C12orf42: variants seen among roughly 807,000 people sequenced by gnomAD.
C12orf42 encodes the protein chromosome 12 open reading frame 42.
Under a neutral mutation model 21.6 loss-of-function variants are expected in C12orf42, and 25 were observed. That is an observed-to-expected ratio of 1.16 (90% CI 0.84 to 1.62). C12orf42 has a LOEUF of 1.62. Ranked by LOEUF, C12orf42 falls within the 40% of genes most tolerant of loss-of-function variation. The pLI is 0.00. For synonymous variants in C12orf42, 174 were observed against 175.0 expected, an observed-to-expected ratio of 0.99 and a Z score of 0.05; for missense variants, 483 against 459.3, an observed-to-expected ratio of 1.05 and a Z score of -0.47.
chr12:103,387,254 C>T (rs1321403962), intron 3 of C12orf42, among the ~76,000 whole-genome samples: 1 of 152,106 alleles, frequency 6.6e-6, no homozygotes, highest in Non-Finnish European at 1.5e-5. Flanking sequence ...CTTGCTGTTC[C>T]CTCTCCCTGG....
At chr12:103,108,560 C>G in the C12orf42 span, among the ~76,000 whole-genome samples, 2 of 151,956 alleles carry the variant, frequency 1.3e-5, no homozygotes, top group African/African-American at 4.8e-5. Flanking sequence ...AGAGAAAATA[C>G]AACCCAGTAA....
chr12:103,295,269 G>A (rs554600992), intron 4 of C12orf42, among the ~76,000 whole-genome samples: 1 of 152,164 alleles, frequency 6.6e-6, no homozygotes, highest in African/African-American at 2.4e-5. Context: ...TCCCTTGTCT[G>A]GGTAGTTTTA....
intron 2 of C12orf42, among the ~76,000 whole-genome samples, chr12:103,462,815 T>C (rs903682613): frequency 3.3e-5 from 5 of 152,228 alleles, no homozygotes; most frequent in Admixed American, 3.3e-4. Context: ...CATTAAACCC[T>C]ATCTGTGGAG....
At chr12:103,556,672 A>G in the C12orf42 span, among the ~76,000 whole-genome samples, 1 of 152,146 alleles carries the variant, frequency 6.6e-6, no homozygotes, top group African/African-American at 2.4e-5. Context: ...CAATCTTCAC[A>G]GGTTCTGTAT....
At chr12:103,400,897 T>G (rs2047932177) in intron 3 of C12orf42, among the ~76,000 whole-genome samples, 1 of 152,132 alleles carries the variant, frequency 6.6e-6, no homozygotes, top group African/African-American at 2.4e-5. Context: ...ATTCCCTTCA[T>G]GGTAAATAGG....
chr12:103,154,816 C>T, the C12orf42 span, among the ~76,000 whole-genome samples: 33 of 152,232 alleles, frequency 2.2e-4, no homozygotes, highest in African/African-American at 7.9e-4. Context: ...TTGACGTAAT[C>T]TTTGCTGGCT....
At chr12:103,168,334 T>C in the C12orf42 span, 30 of 281,596 alleles carry the variant, frequency 1.1e-4, no homozygotes, top group African/African-American at 6.5e-4. Context: ...CTTGAGCAGA[T>C]AACATATTTA....
At chr12:103,365,338 G>T (rs2044503798) in intron 4 of C12orf42, among the ~76,000 whole-genome samples, 1 of 151,994 alleles carries the variant, frequency 6.6e-6, no homozygotes, top group Admixed American at 6.6e-5. Context: ...TGTAATAAAA[G>T]CCACCTATGA....
chr12:103,273,233 G>A (rs1198002194), intron 5 of C12orf42, among the ~76,000 whole-genome samples: 2 of 152,066 alleles, frequency 1.3e-5, no homozygotes, highest in Non-Finnish European at 2.9e-5. Context: ...GGAGGCCTTT[G>A]CCCAGGTTCA....
At chr12:103,543,612 C>CA in the C12orf42 span, among the ~76,000 whole-genome samples, 5,625 of 142,510 alleles carry the variant, frequency 0.039, 299 homozygotes, top group African/African-American at 0.13. Context: ...GAATCTGTCT[C>CA]AAAAAAAAAA....
chr12:103,553,113 G>A, the C12orf42 span, among the ~76,000 whole-genome samples: 21 of 152,020 alleles, frequency 1.4e-4, no homozygotes, highest in African/African-American at 4.6e-4. Context: ...TATTTGTCGC[G>A]GGGGCTGTCC....
chr12:103,238,807 A>G (rs1025593502), intron 10 of C12orf42, among the ~76,000 whole-genome samples: 1 of 152,192 alleles, frequency 6.6e-6, no homozygotes, highest in Non-Finnish European at 1.5e-5. Flanking sequence ...GAAAGACTAA[A>G]GGAAGAGGGA....
chr12:103,172,762 A>G, the C12orf42 span, among the ~76,000 whole-genome samples: 1 of 152,136 alleles, frequency 6.6e-6, no homozygotes, highest in Admixed American at 6.6e-5. Flanking sequence ...TTTTCCTGGA[A>G]TTTTATCCAA....
At chr12:103,483,577 C>A (rs1046708852) in intron 1 of C12orf42, among the ~76,000 whole-genome samples, 11 of 152,104 alleles carry the variant, frequency 7.2e-5, no homozygotes, top group African/African-American at 2.7e-4. Context: ...TTTCTTCACC[C>A]CTCCCACAGT....
At chr12:103,209,902 T>G in the C12orf42 span, among the ~76,000 whole-genome samples, 1 of 152,152 alleles carries the variant, frequency 6.6e-6, no homozygotes, top group African/African-American at 2.4e-5. Flanking sequence ...GCAATTAAAT[T>G]TTGCTTTGAT....
the C12orf42 span, among the ~76,000 whole-genome samples, chr12:103,131,607 A>AT: frequency 2.7e-4 from 41 of 152,128 alleles, no homozygotes; most frequent in African/African-American, 9.2e-4. Flanking sequence ...TGTTCTAAAT[A>AT]TTTTTTTTCT....
At chr12:103,143,969 G>T in the C12orf42 span, among the ~76,000 whole-genome samples, 1 of 152,022 alleles carries the variant, frequency 6.6e-6, no homozygotes, top group Non-Finnish European at 1.5e-5. Flanking sequence ...TTATCACAGG[G>T]TTATTTATGG....
At chr12:103,324,040 A>G (rs548160651) in intron 4 of C12orf42, among the ~76,000 whole-genome samples, 20 of 152,358 alleles carry the variant, frequency 1.3e-4, no homozygotes, top group Non-Finnish European at 2.8e-4. Context: ...CACTATGGCA[A>G]AAAAATCAGA....
At chr12:103,175,561 T>G in the C12orf42 span, among the ~76,000 whole-genome samples, 28 of 151,812 alleles carry the variant, frequency 1.8e-4, no homozygotes, top group African/African-American at 6.5e-4. Context: ...CCAAAAAGAG[T>G]GGCGTGAAGT....
Sources: gnomAD v4.1 joint callset for allele counts (sites outside exome capture counted in the v4.1 genomes callset) on GRCh38, gnomAD v4.1.1 for gene constraint, MANE v1.5 for transcripts, NCBI Gene and HGNC (gene_info 2026-07-23, HGNC 2026-07-21) for gene names.